ZNF713: variants seen among roughly 807,000 people sequenced by gnomAD.
ZNF713 encodes zinc finger protein 713.
ZNF713 carries 21 observed loss-of-function variants against 28.7 expected under a neutral mutation model. That is an observed-to-expected ratio of 0.73 (90% confidence interval 0.52 to 1.05). ZNF713 has a LOEUF of 1.05. Ranked by LOEUF, ZNF713 falls within the 50% of genes least tolerant of loss-of-function variation. The probability of loss-of-function intolerance (pLI) is 0.00; values close to 1 mark genes in which losing one functional copy is unlikely to be tolerated. For synonymous variants in ZNF713, 167 were observed against 178.0 expected (o/e 0.94, Z 0.49); for missense variants, 458 against 532.4 (o/e 0.86, Z 1.37).
chr7:55,906,787 C>A (rs1584303063), intron 2 of ZNF713, among the ~76,000 whole-genome samples: 1 of 152,144 alleles, frequency 6.6e-6, no homozygotes, highest in Non-Finnish European at 1.5e-5. Flanking sequence ...GGAAAGTGGA[C>A]CCACCTAACA....
intron 6 of ZNF713, among the ~76,000 whole-genome samples, chr7:55,931,249 G>T (rs1786203850): frequency 6.6e-6 from 1 of 151,454 alleles, no homozygotes; most frequent in African/African-American, 2.4e-5. Context: ...TCACGTCATT[G>T]CTCTCCAGCC....
chr7:55,915,756 C>T (rs1785872080), intron 4 of ZNF713, among the ~76,000 whole-genome samples: 1 of 152,132 alleles, frequency 6.6e-6, no homozygotes, highest in Non-Finnish European at 1.5e-5. Context: ...GAGAAGTGAG[C>T]AGGTCTTAAA....
chr7:55,891,119 T>C (rs1242959828), intron 1 of ZNF713, among the ~76,000 whole-genome samples: 1 of 152,210 alleles, frequency 6.6e-6, no homozygotes, highest in Non-Finnish European at 1.5e-5. Flanking sequence ...ATGAAAAAGT[T>C]ACTATTTGAT....
chr7:55,913,197 T>TG (rs1474619728), intron 4 of ZNF713, among the ~76,000 whole-genome samples: 1 of 30,618 alleles, frequency 3.3e-5, no homozygotes, highest in African/African-American at 1.2e-4. Flanking sequence ...TTTGATTCCT[T>TG]TTTTTTTTTT....
chr7:55,899,678 A>T (rs1162967549), intron 1 of ZNF713, among the ~76,000 whole-genome samples: 1 of 152,104 alleles, frequency 6.6e-6, no homozygotes, highest in East Asian at 1.9e-4. Flanking sequence ...TCTCAAAAAA[A>T]TAAAAAATAA....
intron 1 of ZNF713, 82 bp downstream of exon 1, chr7:55,887,762 GGGGGGCGGA>G: frequency 1.3e-3 from 4 of 2,972 alleles, no homozygotes; most frequent in African/African-American, 8.9e-3. Context: ...GGGCGGAGGC[GGGGGGCGGA>G]GGCGGGGGGC....
intron 1 of ZNF713, among the ~76,000 whole-genome samples, chr7:55,893,592 T>G (rs1785425651): frequency 2.0e-5 from 3 of 152,164 alleles, no homozygotes; most frequent in Admixed American, 2.0e-4. Flanking sequence ...TTGTTTTTGT[T>G]TGTTTTGAGA....
intron 1 of ZNF713, among the ~76,000 whole-genome samples, chr7:55,889,900 C>T (rs747354494): frequency 2.8e-4 from 42 of 152,168 alleles, no homozygotes; most frequent in Non-Finnish European, 4.6e-4. Flanking sequence ...GCTCAGTCTG[C>T]TGTACAATAC....
chr7:55,914,363 T>A (rs1785842289), intron 4 of ZNF713, among the ~76,000 whole-genome samples: 1 of 152,040 alleles, frequency 6.6e-6, no homozygotes, highest in Non-Finnish European at 1.5e-5. Context: ...TTTTGGTTTG[T>A]TTTTTGTTTT....
chr7:55,926,116 C>T (rs1786090231), intron 6 of ZNF713, among the ~76,000 whole-genome samples: 1 of 152,080 alleles, frequency 6.6e-6, no homozygotes, highest in Non-Finnish European at 1.5e-5. Context: ...GGAGTTCAAG[C>T]CTGGCCAACA....
intron 4 of ZNF713, chr7:55,917,895 CAT>C: frequency 2.9e-6 from 1 of 343,236 alleles, no homozygotes; most frequent in Non-Finnish European, 6.0e-6. Context: ...ACAAGTATAA[CAT>C]ATTCTGTTGG....
At chr7:55,924,317 G>A (rs1473205095) in intron 6 of ZNF713, 3 of 152,420 alleles carry the variant, frequency 2.0e-5, no homozygotes, top group Admixed American at 2.0e-4. Context: ...TACAAAGCCA[G>A]TTAGGATTGT....
At chr7:55,923,564 TC>T (rs764460730) in intron 5 of ZNF713, 42 bp from the exon 6 acceptor site, 9 of 1,508,606 alleles carry the variant, frequency 6.0e-6, no homozygotes, top group Admixed American at 1.9e-5. Flanking sequence ...AGAATTTTGT[TC>T]CCAGTACAAA....
intron 6 of ZNF713, among the ~76,000 whole-genome samples, chr7:55,933,141 G>A (rs1786275524): frequency 2.0e-5 from 3 of 151,476 alleles, no homozygotes. Context: ...GGAGGCTGAG[G>A]CAGGAGAATA....
At chr7:55,923,062 A>G in intron 4 of ZNF713, 100 bp from the exon 5 acceptor site, 1 of 1,347,700 alleles carries the variant, frequency 7.4e-7, no homozygotes, top group Non-Finnish European at 9.8e-7. Flanking sequence ...GACTATCAGC[A>G]CAATGGCTTA....
chr7:55,940,431 TTC>T lies in ZNF713; in HGVS notation c.*426_*427del. 1 of 988,206 alleles carries T rather than the reference TTC, an allele frequency of 1.0e-6. No individual in the cohort carries two copies. The highest frequency in any genetic ancestry group is 4.7e-5 in the South Asian group (1 of 21,364). The allele number at this position is 988,206 out of a possible 1,614,324, so 61.2% of individuals were successfully genotyped here. On this transcript the variant is annotated 3_prime_UTR_variant, in exon 7 of 7. Coordinates refer to ENST00000429591, the MANE Select transcript of ZNF713 (RefSeq NM_182633.3). ...GGGCCACTGCGCCTGGCCATAAACT[TTC>T]AATGCGTAGAAACCAAATTAATTTA...
chr7:55,907,499 T>C (rs1457320610), intron 2 of ZNF713, among the ~76,000 whole-genome samples: 1 of 152,224 alleles, frequency 6.6e-6, no homozygotes, highest in African/African-American at 2.4e-5. Flanking sequence ...ACGTGCAGGT[T>C]TGTTACATAG....
At position 55,939,298 on chromosome 7, in the gene ZNF713, T is replaced by C. The variant is rs746789538; in HGVS notation, c.624T>C (p.Asn208=). 5 of 1,614,134 alleles carry C rather than the reference T, an allele frequency of 3.1e-6. No homozygotes were observed. The highest frequency in any genetic ancestry group is 2.7e-5 in the African/African-American group (2 of 75,060). Residue 208 remains asparagine, a synonymous_variant, in exon 7 of 7, where the codon AAT becomes AAC. Transcript: ENST00000429591. ...QRIPSIKIPL[N]SDTQGNSIKH... is the part of the protein sequence containing the mutation. ...TTCCTTCCATTAAAATACCCCTGAA[T>C]TCTGACACACAGGGAAACAGCATCA...
rs1562730777 is a variant in ZNF713, at chr7:55,887,625, G to GCGGCGGCGGCGGCGGCGGCGT, written c.-624_-623insGCGGCGTCGGCGGCGGCGGCG. 5.2e-6 allele frequency: 1 copy of GCGGCGGCGGCGGCGGCGGCGT among 192,250 alleles called. No individual in the cohort carries two copies. Among genetic ancestry groups the GCGGCGGCGGCGGCGGCGGCGT allele is most frequent in the Non-Finnish European group, 1.0e-5 (1 of 99,744 alleles). 11.9% of individuals were successfully genotyped at this position (192,250 alleles called of 1,614,324 possible). ...CGCGGCGGCGGCGGCGGCGGCGGCG[G>GCGGCGGCGGCGGCGGCGGCGT]CGGCGGCGGCGGCGTCAGGGGGCGG... is the stretch of plus-strand genomic sequence containing the variant. On this transcript the variant is annotated 5_prime_UTR_variant, in exon 1 of 7. Coordinates refer to ENST00000429591, the MANE Select transcript of ZNF713 (RefSeq NM_182633.3).
Sources: gnomAD v4.1 joint callset for allele counts (sites outside exome capture counted in the v4.1 genomes callset) on GRCh38, gnomAD v4.1.1 for gene constraint, MANE v1.5 for transcripts, NCBI Gene and HGNC (gene_info 2026-07-23, HGNC 2026-07-21) for gene names.